The following JAKMIP1 variants were observed in gnomAD, a reference collection of about 807,000 sequenced individuals.
JAKMIP1 encodes janus kinase and microtubule interacting protein 1, also known as janus kinase and microtubule-interacting protein 1.
JAKMIP1 carries 33 observed loss-of-function variants against 113.0 expected under a neutral mutation model. The observed-to-expected ratio is 0.29, with a 90% CI of 0.22 to 0.39. The LOEUF is 0.39. Among genes scored for constraint, JAKMIP1 ranks in the 10% least tolerant of loss-of-function variants. The pLI is 1.00. For missense variants in JAKMIP1, 813 were observed against 1,080.5 expected (o/e 0.75, Z 3.47); for synonymous variants, 480 against 459.9 (o/e 1.04, Z -0.56).
At position 6,094,655 on chromosome 4, in the gene JAKMIP1, A is replaced by C. The variant is rs1283412614; in HGVS notation, c.625-9026T>G. Among the ~76,000 whole-genome samples, 1 of 152,226 alleles carries C rather than the reference A, an allele frequency of 6.6e-6. No individual in the cohort carries two copies. The highest frequency in any genetic ancestry group is 1.5e-5 in the Non-Finnish European group (1 of 68,036). ...CAACAGTGGCACTCTTTCAAAAATA[A>C]AGTTTTAACTCTTATTAGGAAAGGA... On this transcript the variant is annotated intron_variant, in intron 3 of 20. Coordinates refer to ENST00000409021, the MANE Select transcript of JAKMIP1 (RefSeq NM_001099433.2). This position sits in a 1 kb window ranked among gnomAD's most constrained non-coding sequence, Gnocchi z 4.2.
intron 13 of JAKMIP1, among the ~76,000 whole-genome samples, chr4:6,052,369 G>A (rs1197699155): frequency 6.6e-6 from 1 of 152,024 alleles, no homozygotes; most frequent in Non-Finnish European, 1.5e-5. Context: ...TTTGTAGGCC[G>A]GGCATGGTAG....
At chr4:6,173,893 T>C (rs1408574047) in intron 1 of JAKMIP1, among the ~76,000 whole-genome samples, 1 of 151,942 alleles carries the variant, frequency 6.6e-6, no homozygotes, top group African/African-American at 2.4e-5. Flanking sequence ...CTGGCGAACA[T>C]GGTGAAACCT....
At chr4:6,058,224 A>G (rs1280492934) in intron 11 of JAKMIP1, among the ~76,000 whole-genome samples, 1 of 152,248 alleles carries the variant, frequency 6.6e-6, no homozygotes, top group African/African-American at 2.4e-5. Flanking sequence ...GGCAAGTAGA[A>G]AAGTTCCTCT....
At chr4:6,078,181 G>A (rs1329703216) in intron 8 of JAKMIP1, among the ~76,000 whole-genome samples, 4 of 152,134 alleles carry the variant, frequency 2.6e-5, no homozygotes, top group South Asian at 4.1e-4. Flanking sequence ...CGGGCGTGGT[G>A]GCATGTGCCT....
At chr4:6,151,011 C>A (rs888761422) in intron 1 of JAKMIP1, among the ~76,000 whole-genome samples, 1 of 152,080 alleles carries the variant, frequency 6.6e-6, no homozygotes, top group Non-Finnish European at 1.5e-5. Flanking sequence ...TCTCCCCAAG[C>A]TTTGGCTTCT....
Position 6,042,150 on chromosome 4 carries a change from A to G in JAKMIP1, c.2097+9T>C. On this transcript the variant is annotated intron_variant, in intron 17 of 20. Coordinates refer to ENST00000409021, the MANE Select transcript of JAKMIP1 (RefSeq NM_001099433.2). The surrounding 1 kb of genome is among the most constrained non-coding windows in gnomAD (Gnocchi z 5.2). ...CTCTCCCCCACCCCCAGGCAGTCAA[A>G]TCTTTTACCTTCTCCTTCTCCAGGT... is the stretch of plus-strand genomic sequence containing the variant. The G allele has an allele frequency of 6.2e-7, 1 of 1,613,056 alleles. No homozygotes were observed. The highest frequency in any genetic ancestry group is 8.5e-7 in the Non-Finnish European group (1 of 1,179,124).
At position 6,188,527 on chromosome 4, in the gene JAKMIP1, T is replaced by C. The variant is rs1468926612; in HGVS notation, c.-148+11726A>G. ...AATACACCCCAAACCTCCTTGCCAC[T>C]TGACCTCTTAGCATACCCCCAAAGC... On this transcript the variant is annotated intron_variant, in intron 1 of 20. Transcript: ENST00000409021. The surrounding 1 kb of genome is among the most constrained non-coding windows in gnomAD (Gnocchi z 5.8). Among the ~76,000 whole-genome samples, 3 of 152,156 alleles carry C rather than the reference T, an allele frequency of 2.0e-5. No individual in the cohort carries two copies. Among genetic ancestry groups the C allele is most frequent in the African/African-American group, 7.2e-5 (3 of 41,432 alleles).
intron 2 of JAKMIP1, among the ~76,000 whole-genome samples, chr4:6,109,201 T>C (rs926150667): frequency 6.7e-5 from 10 of 149,522 alleles, no homozygotes; most frequent in Non-Finnish European, 1.3e-4. Flanking sequence ...GGCACGATCT[T>C]GGCTCACTGC....
At position 6,108,698 on chromosome 4, in the gene JAKMIP1, T is replaced by C. The variant is rs1714373483; in HGVS notation, c.130-2731A>G. Among the ~76,000 whole-genome samples the C allele has an allele frequency of 6.6e-6, 1 of 152,200 alleles. No individual in the cohort carries two copies. Among genetic ancestry groups the C allele is most frequent in the African/African-American group, 2.4e-5 (1 of 41,454 alleles). On this transcript the variant is annotated intron_variant, in intron 2 of 20. Transcript: ENST00000409021. This position sits in a 1 kb window ranked among gnomAD's most constrained non-coding sequence, Gnocchi z 5.6. ...CTAAATCTCATGGGTACCAGTTCAC[T>C]ACTCTGAAACCATCATACATGTATA...
At chr4:6,053,941 C>T in intron 13 of JAKMIP1, 109 bp downstream of exon 13, 1 of 1,578,084 alleles carries the variant, frequency 6.3e-7, no homozygotes, top group Non-Finnish European at 8.6e-7. Flanking sequence ...TATAACATGT[C>T]CCCTTTACAC....
At chr4:6,124,116 A>G (rs541685670) in intron 1 of JAKMIP1, among the ~76,000 whole-genome samples, 12 of 152,282 alleles carry the variant, frequency 7.9e-5, no homozygotes, top group African/African-American at 2.9e-4. Context: ...CATTCCCGCC[A>G]TGGCCCTGGC....
At chr4:6,174,555 G>A (rs1725112595) in intron 1 of JAKMIP1, among the ~76,000 whole-genome samples, 1 of 152,196 alleles carries the variant, frequency 6.6e-6, no homozygotes, top group African/African-American at 2.4e-5. Context: ...CCAGGGTGCA[G>A]AAGAACAGGC....
intron 1 of JAKMIP1, among the ~76,000 whole-genome samples, chr4:6,170,838 C>A (rs1206928769): frequency 6.7e-6 from 1 of 148,374 alleles, no homozygotes; most frequent in African/African-American, 2.5e-5. Flanking sequence ...CACCACACCA[C>A]CACCACCATC....
intron 1 of JAKMIP1, among the ~76,000 whole-genome samples, chr4:6,171,079 C>T (rs2109022745): frequency 6.6e-6 from 1 of 150,506 alleles, no homozygotes; most frequent in East Asian, 2.0e-4. Flanking sequence ...ACCACCACCC[C>T]CATTACCCTT....
rs1223463678 is a variant in JAKMIP1 at position 6,135,893 on chromosome 4, T to C, written c.-147-22896A>G. ...GGCTGGTGTCAGAGGACTTAAGAAA[T>C]GGTGGGGGGAGAGGTGGGGGGGGAC... On this transcript the variant is annotated intron_variant, in intron 1 of 20. Coordinates refer to ENST00000409021, the MANE Select transcript of JAKMIP1 (RefSeq NM_001099433.2). The surrounding 1 kb of genome is among the most constrained non-coding windows in gnomAD (Gnocchi z 4.9). Among the ~76,000 whole-genome samples, 1 of 86,734 alleles carries C rather than the reference T, an allele frequency of 1.2e-5. No individual in the cohort carries two copies. The highest frequency in any genetic ancestry group is 2.4e-5 in the Non-Finnish European group (1 of 41,208). 56.9% of individuals were successfully genotyped at this position (86,734 alleles called of 152,430 possible).
intron 3 of JAKMIP1, among the ~76,000 whole-genome samples, chr4:6,095,878 T>C (rs1171111398): frequency 2.0e-5 from 3 of 152,068 alleles, no homozygotes; most frequent in African/African-American, 7.2e-5. Context: ...ACTTGGATCC[T>C]AGTAGGGGAA....
In JAKMIP1 at chr4:6,064,855, C is replaced by A. The variant is rs569661993; in HGVS notation, c.1431+25G>T. Reference sequence around the variant, plus strand: ...CCCCGAGAGCATCTGGGGTGAGGTCCCGCCCTCTCTGCAGGTTTGCTTACA... The same window carrying A: ...CCCCGAGAGCATCTGGGGTGAGGTCACGCCCTCTCTGCAGGTTTGCTTACA... On this transcript the variant is annotated intron_variant, in intron 9 of 20. Coordinates refer to ENST00000409021, the MANE Select transcript of JAKMIP1 (RefSeq NM_001099433.2). This position sits in a 1 kb window ranked among gnomAD's most constrained non-coding sequence, Gnocchi z 4.3. The A allele has an allele frequency of 2.6e-5, 42 of 1,613,452 alleles. No homozygotes were observed. The highest frequency in any genetic ancestry group is 2.3e-4 in the Admixed American group (14 of 59,988).
chr4:6,122,090 A>C (rs1281836024), intron 1 of JAKMIP1, among the ~76,000 whole-genome samples: 2 of 152,208 alleles, frequency 1.3e-5, no homozygotes, highest in African/African-American at 2.4e-5. Context: ...CACGCCTGTA[A>C]CCTTAGCACT....
At position 6,064,768 on chromosome 4, in the gene JAKMIP1, CTG is replaced by C. The variant is rs1717813880; in HGVS notation, c.1431+110_1431+111del. The stretch of plus-strand genomic sequence containing the variant: ...TAATGCACTGGTAGGAACTGGTCAT[CTG>C]GGGTTCAGAACTATAGGCAAGGGAG... On this transcript the variant is annotated intron_variant, in intron 9 of 20. Transcript: ENST00000409021. The surrounding 1 kb of genome is among the most constrained non-coding windows in gnomAD (Gnocchi z 4.3). 7.2e-7 allele frequency: 1 copy of C among 1,390,930 alleles called. No individual in the cohort carries two copies. The highest frequency in any genetic ancestry group is 1.9e-5 in the Admixed American group (1 of 52,540). The allele number at this position is 1,390,930 out of a possible 1,614,324, so 86.2% of individuals were successfully genotyped here. A position where few individuals can be genotyped will look rare whatever the true frequency, so the allele number is the denominator to read the frequency against.
Sources: allele counts gnomAD v4.1 joint callset (sites outside exome capture counted in the v4.1 genomes callset), GRCh38; gene constraint gnomAD v4.1.1; non-coding constraint Gnocchi (gnomAD v3.1); transcripts MANE v1.5; gene names NCBI Gene and HGNC (gene_info 2026-07-23, HGNC 2026-07-21).